Variants in GNA14 observed in about 807,000 individuals in gnomAD.
GNA14 encodes G protein subunit alpha 14, also known as guanine nucleotide-binding protein subunit alpha-14.
GNA14 carries 50 observed loss-of-function variants against 42.0 expected under a neutral mutation model. The observed-to-expected ratio is 1.19, with a 90% CI of 0.95 to 1.51. The LOEUF (loss-of-function observed/expected upper bound fraction) is 1.51, where lower values mean the gene tolerates loss of function less well. Among genes scored for constraint, GNA14 ranks in the 40% most tolerant of loss-of-function variants. The pLI, the probability that GNA14 is intolerant of heterozygous loss-of-function variation, is 0.00. For synonymous variants in GNA14, 173 were observed against 163.1 expected, an observed-to-expected ratio of 1.06 and a Z score of -0.46; for missense variants, 473 against 446.2, an observed-to-expected ratio of 1.06 and a Z score of -0.54.
intron 3 of GNA14, among the ~76,000 whole-genome samples, chr9:77,433,047 C>G (rs113458983): frequency 4.9e-4 from 74 of 152,314 alleles, no homozygotes; most frequent in African/African-American, 1.7e-3. Flanking sequence ...TTGTGCCAAC[C>G]TGGATTAATG....
chr9:77,462,732 T>TA (rs1836129817), intron 2 of GNA14, among the ~76,000 whole-genome samples: 1 of 100,198 alleles, frequency 1.0e-5, no homozygotes, highest in African/African-American at 4.1e-5. Flanking sequence ...GGGCGGGGGG[T>TA]GGGGGGGTGG....
intron 2 of GNA14, among the ~76,000 whole-genome samples, chr9:77,453,347 C>G (rs1378699276): frequency 6.6e-6 from 1 of 152,134 alleles, no homozygotes; most frequent in Non-Finnish European, 1.5e-5. Context: ...ATTACCCAGC[C>G]TAAGGTATTC....
chr9:77,569,205 G>C (rs889457583), intron 1 of GNA14, among the ~76,000 whole-genome samples: 9 of 151,974 alleles, frequency 5.9e-5, no homozygotes, highest in East Asian at 1.9e-4. Context: ...CCCGCAGAAG[G>C]TGTGTTGAAC....
intron 1 of GNA14, among the ~76,000 whole-genome samples, chr9:77,625,061 A>C (rs956956921): frequency 6.6e-6 from 1 of 151,960 alleles, no homozygotes; most frequent in Non-Finnish European, 1.5e-5. Flanking sequence ...GAAGAACATA[A>C]ATGACCTGAT....
chr9:77,599,214 C>T (rs976311135), intron 1 of GNA14, among the ~76,000 whole-genome samples: 1 of 152,132 alleles, frequency 6.6e-6, no homozygotes, highest in African/African-American at 2.4e-5. Flanking sequence ...GTACTCTAGA[C>T]GATGATGACA....
intron 1 of GNA14, among the ~76,000 whole-genome samples, chr9:77,638,523 C>T (rs1334289990): frequency 6.6e-6 from 1 of 151,988 alleles, no homozygotes; most frequent in Admixed American, 6.6e-5. Context: ...AAGAATGTTC[C>T]AGGCAGGAAA....
At chr9:77,550,137 G>T (rs1367407211) in intron 1 of GNA14, among the ~76,000 whole-genome samples, 1 of 152,148 alleles carries the variant, frequency 6.6e-6, no homozygotes, top group African/African-American at 2.4e-5. Flanking sequence ...GTTTCCATTG[G>T]TAACCCTGTC....
At chr9:77,439,605 T>G (rs1008902026) in intron 2 of GNA14, among the ~76,000 whole-genome samples, 6 of 152,330 alleles carry the variant, frequency 3.9e-5, no homozygotes, top group South Asian at 2.1e-4. Context: ...CCACCGCACT[T>G]CGGCCTGAGT....
chr9:77,484,482 A>G (rs1372348543), intron 2 of GNA14, among the ~76,000 whole-genome samples: 1 of 151,762 alleles, frequency 6.6e-6, no homozygotes, highest in African/African-American at 2.4e-5. Flanking sequence ...TGTAAGGAAT[A>G]CAAGTGTGGG....
At chr9:77,545,391 T>C (rs1034016036) in intron 1 of GNA14, among the ~76,000 whole-genome samples, 7 of 152,216 alleles carry the variant, frequency 4.6e-5, no homozygotes, top group African/African-American at 1.7e-4. Context: ...GTCATTCTCT[T>C]GAAGTCCTTC....
chr9:77,473,715 T>G (rs1330127165), intron 2 of GNA14, among the ~76,000 whole-genome samples: 1 of 151,802 alleles, frequency 6.6e-6, no homozygotes, highest in African/African-American at 2.4e-5. Flanking sequence ...TTCAAAACCT[T>G]GAAAAAGAAG....
intron 1 of GNA14, among the ~76,000 whole-genome samples, chr9:77,538,065 TC>T (rs934912605): frequency 8.5e-5 from 7 of 81,906 alleles, no homozygotes; most frequent in African/African-American, 2.7e-4. Context: ...TACAGAAGCT[TC>T]TTTTTTTTTT....
At chr9:77,630,656 C>T (rs944931489) in intron 1 of GNA14, among the ~76,000 whole-genome samples, 2 of 151,996 alleles carry the variant, frequency 1.3e-5, no homozygotes, top group African/African-American at 4.8e-5. Context: ...TTTTTATATG[C>T]AAAAAACTAG....
At chr9:77,451,897 G>A (rs10869926) in intron 2 of GNA14, among the ~76,000 whole-genome samples, 18,903 of 152,138 alleles carry the variant, frequency 0.12, 1,569 homozygotes, top group East Asian at 0.3. Context: ...AATCCCAACC[G>A]AGCAACCAGA....
At chr9:77,539,705 G>C (rs1304284842) in intron 1 of GNA14, among the ~76,000 whole-genome samples, 2 of 152,022 alleles carry the variant, frequency 1.3e-5, no homozygotes, top group South Asian at 2.1e-4. Context: ...GATTGGTTTA[G>C]GTTTTCTATT....
At chr9:77,558,395 A>C (rs1336332645) in intron 1 of GNA14, among the ~76,000 whole-genome samples, 1 of 152,212 alleles carries the variant, frequency 6.6e-6, no homozygotes, top group Admixed American at 6.5e-5. Flanking sequence ...CTATTGCTTC[A>C]AACCTTTATT....
chr9:77,534,008 G>A (rs1387020037), intron 1 of GNA14, among the ~76,000 whole-genome samples: 5 of 152,020 alleles, frequency 3.3e-5, no homozygotes, highest in East Asian at 1.9e-4. Context: ...TTTCTCATAC[G>A]CATATGTCAC....
At chr9:77,496,121 A>G (rs1031041780) in intron 2 of GNA14, among the ~76,000 whole-genome samples, 3 of 152,212 alleles carry the variant, frequency 2.0e-5, no homozygotes, top group African/African-American at 7.2e-5. Context: ...TTCTCTGAAG[A>G]TGAGTAAATA....
intron 1 of GNA14, among the ~76,000 whole-genome samples, chr9:77,585,543 C>T (rs1035003363): frequency 2.0e-5 from 3 of 152,210 alleles, no homozygotes; most frequent in Non-Finnish European, 4.4e-5. Context: ...CCCCAACACC[C>T]TTGTGACCAT....
Sources: allele counts gnomAD v4.1 joint callset (sites outside exome capture counted in the v4.1 genomes callset), GRCh38; gene constraint gnomAD v4.1.1; transcripts MANE v1.5; gene names NCBI Gene and HGNC (gene_info 2026-07-23, HGNC 2026-07-21).